Variants in N4BP2 observed in about 807,000 individuals in gnomAD.
N4BP2 encodes the protein NEDD4-binding protein 2.
N4BP2 carries 91 observed loss-of-function variants against 152.8 expected under a neutral mutation model. The ratio of observed to expected loss-of-function variants is 0.60; its 90% confidence interval spans 0.50 to 0.71. The LOEUF is 0.71. Among genes scored for constraint, N4BP2 ranks in the 30% least tolerant of loss-of-function variants. N4BP2 has a pLI of 0.00. For synonymous variants in N4BP2, 646 were observed against 705.3 expected (o/e 0.92, Z 1.33); for missense variants, 1,923 against 2,059.1 (o/e 0.93, Z 1.28).
At position 40,120,347 on chromosome 4, in the gene N4BP2, C is replaced by T. The variant is rs1368525745; in HGVS notation, c.2236C>T (p.Gln746Ter). 1.2e-6 allele frequency: 2 copies of T among 1,612,408 alleles called. No homozygotes were observed. The highest frequency in any genetic ancestry group is 8.5e-7 in the Non-Finnish European group (1 of 1,179,624). The change falls in exon 9 of 18, where the codon CAA (glutamine) becomes TAA (stop). Residue 746 changes from glutamine (Q) to a stop codon, truncating the protein, a stop_gained. Coordinates refer to ENST00000261435, the MANE Select transcript of N4BP2 (RefSeq NM_018177.6). LOFTEE classifies it high-confidence loss of function. The stretch of plus-strand genomic sequence containing the variant: ...TGATCTTGCAAATAGTGGACCACTT[C>T]AAAATGAAAAATCCTCACCTGGTGA... ...DCDLANSGPL[Q>*]NEKSSPGEIV... is the part of the protein sequence containing the mutation.
intron 2 of N4BP2, among the ~76,000 whole-genome samples, chr4:40,076,802 T>A (rs1712787137): frequency 6.6e-6 from 1 of 152,192 alleles, no homozygotes; most frequent in Non-Finnish European, 1.5e-5. Flanking sequence ...AATATCTTTT[T>A]TAGTGACATA....
chr4:40,080,281 G>A (rs1713219664), intron 2 of N4BP2, among the ~76,000 whole-genome samples: 1 of 150,840 alleles, frequency 6.6e-6, no homozygotes, highest in Admixed American at 6.7e-5. Flanking sequence ...ATTATAAGTA[G>A]AACAGGTGAT....
chr4:40,187,423 C>T, the N4BP2 span, among the ~76,000 whole-genome samples: 1 of 152,188 alleles, frequency 6.6e-6, no homozygotes, highest in African/African-American at 2.4e-5. Context: ...TCAGGACATA[C>T]CCTGACTTCC....
chr4:40,173,845 CT>C, the N4BP2 span, among the ~76,000 whole-genome samples: 1 of 152,206 alleles, frequency 6.6e-6, no homozygotes, highest in Non-Finnish European at 1.5e-5. Flanking sequence ...CCCCTGTCCT[CT>C]CCTTTTACCT....
rs1458570249 is a variant in N4BP2 at position 40,097,524 on chromosome 4, G to A, written c.184G>A (p.Asp62Asn). The A allele has an allele frequency of 6.2e-7, 1 of 1,613,850 alleles. No individual in the cohort carries two copies. Among genetic ancestry groups the A allele is most frequent in the Admixed American group, 1.7e-5 (1 of 60,008 alleles). The change falls in exon 3 of 18, where the codon GAT (aspartate) becomes AAT (asparagine). Residue 62 changes from aspartate (D) to asparagine (N), a missense_variant. Transcript: ENST00000261435. ...TSISEIFSDL[D>N]PDVVYLMLSE... ...TATCTCAGAGATATTTTCTGATCTGGATCCTGATGTAGTGTATTTGATGCT... is the reference window on the plus strand; with the variant it reads ...TATCTCAGAGATATTTTCTGATCTGAATCCTGATGTAGTGTATTTGATGCT...
At chr4:40,094,672 C>T (rs1714939602) in intron 2 of N4BP2, among the ~76,000 whole-genome samples, 2 of 151,958 alleles carry the variant, frequency 1.3e-5, no homozygotes, top group Admixed American at 1.3e-4. Flanking sequence ...TCTGCCTTAG[C>T]CTCTCGAGTA....
downstream of N4BP2, among the ~76,000 whole-genome samples, chr4:40,161,121 C>T (rs996266746): frequency 2.0e-5 from 3 of 152,204 alleles, no homozygotes; most frequent in East Asian, 1.9e-4. Flanking sequence ...GAAGTCATAA[C>T]ACCTAGAGTA....
rs191169741 is a variant in N4BP2, at chr4:40,133,190, C to G, written c.4646+1271C>G. On this transcript the variant is annotated intron_variant, in intron 13 of 17. Coordinates refer to ENST00000261435, the MANE Select transcript of N4BP2 (RefSeq NM_018177.6). ...AAAATTTGTTAGTATATTTTCAACT[C>G]TGGTTAGTTTATTTCCTTTCAGTCT... Among the ~76,000 whole-genome samples the G allele has an allele frequency of 2.6e-5, 4 of 152,214 alleles. No individual in the cohort carries two copies. The East Asian group carries it at 7.7e-4, about 29-fold the overall frequency.
the N4BP2 span, among the ~76,000 whole-genome samples, chr4:40,179,452 A>T: frequency 1.6e-4 from 25 of 152,246 alleles, no homozygotes; most frequent in African/African-American, 5.8e-4. Context: ...GCTAATGTTT[A>T]TTGAAATCTT....
chr4:40,135,538 T>C (rs1418405965), intron 13 of N4BP2, among the ~76,000 whole-genome samples: 1 of 152,120 alleles, frequency 6.6e-6, no homozygotes, highest in Admixed American at 6.5e-5. Context: ...ACTTCCACAG[T>C]GGTTGAACTA....
intron 14 of N4BP2, chr4:40,142,288 A>C: frequency 3.1e-6 from 1 of 325,464 alleles, no homozygotes; most frequent in Non-Finnish European, 6.1e-6. Context: ...CCTTTGGATC[A>C]TGGCCCTCCT....
chr4:40,102,039 A>G (rs1454769351), intron 3 of N4BP2, 36 bp from the exon 4 acceptor site: 1 of 1,292,262 alleles, frequency 7.7e-7, no homozygotes, highest in South Asian at 1.6e-5. Flanking sequence ...CTCTGTCTAT[A>G]TTTTTGTTGT....
chr4:40,125,230 A>G (rs1452369661), intron 11 of N4BP2, among the ~76,000 whole-genome samples: 4 of 152,192 alleles, frequency 2.6e-5, no homozygotes, highest in African/African-American at 4.8e-5. Flanking sequence ...GCCAGTGTCT[A>G]TTGTTTCTTC....
chr4:40,141,871 C>T (rs1337610413), intron 14 of N4BP2, among the ~76,000 whole-genome samples: 3 of 152,182 alleles, frequency 2.0e-5, no homozygotes, highest in East Asian at 1.9e-4. Flanking sequence ...GGATCACTCG[C>T]GGTTAGGAGC....
intron 2 of N4BP2, among the ~76,000 whole-genome samples, chr4:40,088,059 C>T (rs748494225): frequency 4.6e-5 from 7 of 152,074 alleles, no homozygotes; most frequent in Non-Finnish European, 8.8e-5. Context: ...CGCCCGGCTA[C>T]GACTGGCTTT....
chr4:40,062,130 G>A (rs1402551565), intron 1 of N4BP2, among the ~76,000 whole-genome samples: 3 of 143,992 alleles, frequency 2.1e-5, no homozygotes, highest in Non-Finnish European at 3.0e-5. Context: ...CTAGGTGGGA[G>A]TGCAGTGGTG....
chr4:40,185,177 G>C, the N4BP2 span, among the ~76,000 whole-genome samples: 2 of 152,154 alleles, frequency 1.3e-5, no homozygotes. Context: ...TCTGTAAGGG[G>C]AAATGCTGTA....
the N4BP2 span, among the ~76,000 whole-genome samples, chr4:40,184,913 G>A: frequency 4.0e-5 from 6 of 151,880 alleles, no homozygotes; most frequent in South Asian, 2.1e-4. Context: ...CCGACATTGC[G>A]CCACTGCACT....
At chr4:40,133,104 T>C (rs549480777) in intron 13 of N4BP2, among the ~76,000 whole-genome samples, 19 of 152,302 alleles carry the variant, frequency 1.2e-4, no homozygotes, top group African/African-American at 4.6e-4. Flanking sequence ...AATCTTGGTT[T>C]ATTGGTCAAA....
Sources: gnomAD v4.1 joint callset for allele counts (sites outside exome capture counted in the v4.1 genomes callset) on GRCh38, gnomAD v4.1.1 for gene constraint, MANE v1.5 for transcripts, NCBI Gene and HGNC (gene_info 2026-07-23, HGNC 2026-07-21) for gene names.